DIAPH1: variants seen among roughly 807,000 people sequenced by gnomAD.
DIAPH1 encodes the protein protein diaphanous homolog 1.
A neutral mutation model predicts 140.7 loss-of-function variants in DIAPH1; 46 were observed. That is an observed-to-expected ratio of 0.33 (90% CI 0.26 to 0.42). The LOEUF (loss-of-function observed/expected upper bound fraction) is 0.42, where lower values mean the gene tolerates loss of function less well. DIAPH1 is among the 10% of genes least tolerant of loss of function. DIAPH1 has a pLI of 1.00. For missense variants in DIAPH1, 1,310 were observed against 1,558.7 expected, an observed-to-expected ratio of 0.84 and a Z score of 2.69; for synonymous variants, 565 against 551.6, an observed-to-expected ratio of 1.02 and a Z score of -0.34.
At position 141,529,216 on chromosome 5, in the gene DIAPH1, C is replaced by A; in HGVS notation, c.2734G>T (p.Asp912Tyr). The A allele has an allele frequency of 6.2e-7, 1 of 1,614,214 alleles. No homozygotes were observed. Among genetic ancestry groups the A allele is most frequent in the Non-Finnish European group, 8.5e-7 (1 of 1,180,046 alleles). Reference protein sequence around the residue: ...EQLKMLSELKDEYDDLAESEQ... With the variant: ...EQLKMLSELKYEYDDLAESEQ... ...GACTCAGCCAGGTCATCATATTCAT[C>A]CTTCAGTTCAGAAAGCATTTTTAAC... The change falls in exon 21 of 28, where the codon GAT (aspartate) becomes TAT (tyrosine). Residue 912 changes from aspartate to tyrosine, a missense_variant. Asp to Tyr is a radical substitution (Grantham distance 160, BLOSUM62 -3). Transcript: ENST00000389054.
In DIAPH1 at chr5:141,610,851, G is replaced by T. The variant is rs566308295; in HGVS notation, c.117+7947C>A. On this transcript the variant is annotated intron_variant, in intron 1 of 27. Transcript: ENST00000389054. ...GCACTTTGGGAAGCCAAGGTAGGAG[G>T]ATCACTTGAGCCCAAGAGTTCAAGA... Among the ~76,000 whole-genome samples, 17 of 151,410 alleles carry T rather than the reference G, an allele frequency of 1.1e-4. No homozygotes were observed. The South Asian group carries it at 3.6e-3, about 32-fold the overall frequency.
intron 27 of DIAPH1, chr5:141,519,046 C>G: frequency 6.7e-7 from 1 of 1,500,788 alleles, no homozygotes. Context: ...AGCCACAGGA[C>G]TTATCTAGTT....
intron 18 of DIAPH1, among the ~76,000 whole-genome samples, chr5:141,570,167 G>C (rs2099894959): frequency 1.3e-5 from 2 of 151,718 alleles, no homozygotes; most frequent in Admixed American, 1.3e-4. Context: ...GGTGGGGGGA[G>C]AAAAGGGGCC....
intron 1 of DIAPH1, among the ~76,000 whole-genome samples, chr5:141,615,425 G>T (rs1275988236): frequency 2.4e-5 from 2 of 84,070 alleles, no homozygotes; most frequent in Non-Finnish European, 2.2e-5. Context: ...AGCAAGACTC[G>T]TCTCAGAAAA....
rs250792 is a variant in DIAPH1 at position 141,616,752 on chromosome 5, C to T, written c.117+2046G>A. Among the ~76,000 whole-genome samples the T allele has an allele frequency of 3.3e-5, 5 of 152,278 alleles. No individual in the cohort carries two copies. The East Asian group carries it at 7.7e-4, about 24-fold the overall frequency. On this transcript the variant is annotated intron_variant, in intron 1 of 27. Transcript: ENST00000389054. ...CTACTAATGCAATTTTCCTCATTAC[C>T]TGAGCTATTTAGTTTTAAAAATTCA... is the stretch of plus-strand genomic sequence containing the variant.
chr5:141,570,999 C>A (rs2099895098), intron 18 of DIAPH1, among the ~76,000 whole-genome samples: 1 of 152,114 alleles, frequency 6.6e-6, no homozygotes, highest in South Asian at 2.1e-4. Flanking sequence ...GATCACATAA[C>A]CTTGGGAAAG....
intron 24 of DIAPH1, 61 bp downstream of exon 24, chr5:141,527,512 C>G (rs2099887550): frequency 6.3e-7 from 1 of 1,583,984 alleles, no homozygotes; most frequent in African/African-American, 1.4e-5. Context: ...GTTTTTCCCC[C>G]ACTACAGGAA....
chr5:141,607,904 G>A (rs1251108707), intron 1 of DIAPH1, among the ~76,000 whole-genome samples: 1 of 152,114 alleles, frequency 6.6e-6, no homozygotes, highest in Non-Finnish European at 1.5e-5. Flanking sequence ...TACAGTATCT[G>A]GGGCATTAGC....
chr5:141,539,092 T>C (rs1283691196), intron 18 of DIAPH1, among the ~76,000 whole-genome samples: 1 of 151,660 alleles, frequency 6.6e-6, no homozygotes, highest in Admixed American at 6.6e-5. Context: ...TTGACCAACA[T>C]GGTGAAACCC....
intron 1 of DIAPH1, among the ~76,000 whole-genome samples, chr5:141,615,388 G>A (rs1297084810): frequency 3.6e-5 from 5 of 140,088 alleles, no homozygotes; most frequent in East Asian, 2.1e-4. Flanking sequence ...AGCCGAGATC[G>A]CGCCACTGCA....
chr5:141,591,702 A>ATT (rs2154596842), intron 1 of DIAPH1, among the ~76,000 whole-genome samples: 1 of 53,696 alleles, frequency 1.9e-5, no homozygotes, highest in East Asian at 3.8e-4. Flanking sequence ...GGGGATATAT[A>ATT]TATATATATA....
At position 141,593,196 on chromosome 5, in the gene DIAPH1, G is replaced by C. The variant is rs563463416; in HGVS notation, c.118-4946C>G. Among the ~76,000 whole-genome samples, 38 of 152,300 alleles carry C rather than the reference G, an allele frequency of 2.5e-4. No individual in the cohort carries two copies. In the South Asian group the frequency reaches 7.2e-3, roughly 29 times the overall value. Reference sequence around the variant, plus strand: ...ACCTATGGAAATGGGAGTTAAAGGAGGGGGAGGCTAAAAATAAGACTGGTT... The same window carrying C: ...ACCTATGGAAATGGGAGTTAAAGGACGGGGAGGCTAAAAATAAGACTGGTT... On this transcript the variant is annotated intron_variant, in intron 1 of 27. Transcript: ENST00000389054.
intron 1 of DIAPH1, among the ~76,000 whole-genome samples, chr5:141,594,146 C>T (rs2099898927): frequency 6.6e-6 from 1 of 152,180 alleles, no homozygotes; most frequent in Non-Finnish European, 1.5e-5. Flanking sequence ...ATGGTACAAC[C>T]ACTTTCGAAG....
At chr5:141,614,419 CAA>C (rs2099902327) in intron 1 of DIAPH1, among the ~76,000 whole-genome samples, 1 of 152,050 alleles carries the variant, frequency 6.6e-6, no homozygotes, top group Admixed American at 6.6e-5. Context: ...TGGGGAATAA[CAA>C]AAGGTGATTC....
chr5:141,536,091 G>A (rs1379358488), intron 18 of DIAPH1: 2 of 446,792 alleles, frequency 4.5e-6, no homozygotes, highest in East Asian at 1.5e-4. Flanking sequence ...CTTGAGCTCA[G>A]GAGTTTGAGA....
In DIAPH1 at chr5:141,528,870, C is replaced by T. The variant is rs772045628; in HGVS notation, c.2850G>A (p.Val950=). Residue 950 remains valine (V), a synonymous_variant, in exon 22 of 28, where the codon GTG becomes GTA. Transcript: ENST00000389054. ...ACACAATCTCTGGCTTGATATTCTC[C>T]ACTTGCTCGCTGAATTGTAGCTTGA... is the stretch of plus-strand genomic sequence containing the variant. ...ILFKLQFSEQ[V]ENIKPEIVSV... 8.7e-6 allele frequency: 14 copies of T among 1,614,230 alleles called. No homozygotes were observed. The highest frequency in any genetic ancestry group is 1.6e-4 in the Middle Eastern group (1 of 6,062).
At position 141,562,368 on chromosome 5, in the gene DIAPH1, GAAGC is replaced by G. The variant is rs1250251346; in HGVS notation, c.2482+9056_2482+9059del. ...TGATACGAAGACTCTCCAGGATATA[GAAGC>G]AAGGTATAGAAACAGTACAGATAGT... is the stretch of plus-strand genomic sequence containing the variant. On this transcript the variant is annotated intron_variant, in intron 18 of 27. Coordinates refer to ENST00000389054, the MANE Select transcript of DIAPH1 (RefSeq NM_005219.5). Among the ~76,000 whole-genome samples, 3 of 152,010 alleles carry G rather than the reference GAAGC, an allele frequency of 2.0e-5. No homozygotes were observed. In the East Asian group the frequency reaches 5.8e-4, roughly 29 times the overall value.
At chr5:141,582,059 CA>C (rs70991705) in intron 7 of DIAPH1, 5,964 of 78,890 alleles carry the variant, frequency 0.076, no homozygotes, top group South Asian at 0.11. Context: ...GACTCCATCT[CA>C]AAAAAAAAAA....
chr5:141,541,485 C>G (rs1008565554), intron 18 of DIAPH1, among the ~76,000 whole-genome samples: 3 of 151,938 alleles, frequency 2.0e-5, no homozygotes, highest in Non-Finnish European at 4.4e-5. Flanking sequence ...GTCAGGAGTT[C>G]GAGATCAGCC....
Sources: allele counts gnomAD v4.1 joint callset (sites outside exome capture counted in the v4.1 genomes callset), GRCh38; gene constraint gnomAD v4.1.1; transcripts MANE v1.5; gene names NCBI Gene and HGNC (gene_info 2026-07-23, HGNC 2026-07-21).